The following NTNG1 variants were observed in gnomAD, a reference collection of about 807,000 sequenced individuals.
NTNG1 encodes netrin G1.
Under a neutral mutation model 54.0 loss-of-function variants are expected in NTNG1, and 16 were observed. That is an observed-to-expected ratio of 0.30 (90% CI 0.20 to 0.45). The LOEUF is 0.45. Among genes scored for constraint, NTNG1 ranks in the 20% least tolerant of loss-of-function variants. The probability of loss-of-function intolerance (pLI) is 1.00; values close to 1 mark genes in which losing one functional copy is unlikely to be tolerated. For missense variants in NTNG1, 530 were observed against 678.7 expected, an observed-to-expected ratio of 0.78 and a Z score of 2.43; for synonymous variants, 255 against 263.1, an observed-to-expected ratio of 0.97 and a Z score of 0.30.
intron 7 of NTNG1, among the ~76,000 whole-genome samples, chr1:107,465,531 T>G (rs1422786866): frequency 6.6e-6 from 1 of 152,222 alleles, no homozygotes; most frequent in African/African-American, 2.4e-5. Context: ...TTTATCTAGA[T>G]CATCTGCCAT....
At position 107,460,377 on chromosome 1, in the gene NTNG1, G is replaced by A. The variant is rs773771502; in HGVS notation, c.1391-20234G>A. 5 of 518,744 alleles carry A rather than the reference G, an allele frequency of 9.6e-6. No individual in the cohort carries two copies. The East Asian group carries it at 1.6e-4, about 17-fold the overall frequency. The allele number at this position is 518,744 out of a possible 1,614,324, so 32.1% of individuals were successfully genotyped here. On this transcript the variant is annotated intron_variant, in intron 7 of 7. Transcript: ENST00000370068. ...CTCATTTCTCCTCAGCTTTCCTTCT[G>A]AGCCCTCACAGATAATATTTTACCA...
chr1:107,367,925 C>T (rs1466053698), intron 3 of NTNG1, among the ~76,000 whole-genome samples: 1 of 152,046 alleles, frequency 6.6e-6, no homozygotes, highest in Non-Finnish European at 1.5e-5. Context: ...CTATGCCCAG[C>T]TAATTTTTGT....
chr1:107,395,661 C>T (rs1178873006), intron 4 of NTNG1, among the ~76,000 whole-genome samples: 1 of 152,126 alleles, frequency 6.6e-6, no homozygotes, highest in African/African-American at 2.4e-5. Context: ...CTTGTAAACT[C>T]TCAATCCTAA....
intron 2 of NTNG1, among the ~76,000 whole-genome samples, chr1:107,315,758 T>C (rs1190551392): frequency 6.6e-6 from 1 of 152,206 alleles, no homozygotes; most frequent in Non-Finnish European, 1.5e-5. Flanking sequence ...TTTACTTTTG[T>C]AGGGGCTGCC....
intron 3 of NTNG1, among the ~76,000 whole-genome samples, chr1:107,368,518 T>C (rs1570781385): frequency 6.6e-6 from 1 of 152,234 alleles, no homozygotes; most frequent in Non-Finnish European, 1.5e-5. Flanking sequence ...TGAACTTGAC[T>C]TCTAAGTTGA....
chr1:107,404,527 G>A lies in NTNG1; in HGVS notation c.1061-3155G>A, dbSNP rs538478269. 2.0e-5 allele frequency among the ~76,000 whole-genome samples: 3 copies of A among 152,240 alleles called. No homozygotes were observed. In the South Asian group the frequency reaches 6.2e-4, roughly 32 times the overall value. On this transcript the variant is annotated intron_variant, in intron 4 of 7. Transcript: ENST00000370068. Reference sequence around the variant, plus strand: ...GATAAAATCACCCTTTGACCAAAAAGTGATGTTTTCACAATGATAGTAAGT... The same window carrying A: ...GATAAAATCACCCTTTGACCAAAAAATGATGTTTTCACAATGATAGTAAGT...
At chr1:107,453,678 G>A (rs1484528989) in intron 7 of NTNG1, among the ~76,000 whole-genome samples, 1 of 152,178 alleles carries the variant, frequency 6.6e-6, no homozygotes, top group East Asian at 1.9e-4. Context: ...GCCATGTAGG[G>A]AAGTGGGCTA....
At chr1:107,326,584 A>G (rs1557902105) in intron 3 of NTNG1, among the ~76,000 whole-genome samples, 2 of 152,278 alleles carry the variant, frequency 1.3e-5, no homozygotes, top group Non-Finnish European at 1.5e-5. Context: ...CAATTCATCT[A>G]CATGAATAAT....
intron 2 of NTNG1, among the ~76,000 whole-genome samples, chr1:107,160,518 A>G (rs759480895): frequency 6.6e-4 from 100 of 152,152 alleles, no homozygotes; most frequent in Non-Finnish European, 1.1e-3. Flanking sequence ...TATATAATAT[A>G]AGCTATTATA....
chr1:107,392,673 G>A (rs562227552), intron 3 of NTNG1, among the ~76,000 whole-genome samples: 1 of 152,128 alleles, frequency 6.6e-6, no homozygotes, highest in Non-Finnish European at 1.5e-5. Flanking sequence ...TGGGAGATGA[G>A]AGAATGGAGA....
At chr1:107,167,269 T>C (rs1202570146) in intron 2 of NTNG1, among the ~76,000 whole-genome samples, 2 of 151,996 alleles carry the variant, frequency 1.3e-5, no homozygotes, top group African/African-American at 2.4e-5. Context: ...AATTTATGCA[T>C]GTTCACCGAG....
At chr1:107,422,008 A>T (rs1025813071) in intron 5 of NTNG1, among the ~76,000 whole-genome samples, 1 of 152,064 alleles carries the variant, frequency 6.6e-6, no homozygotes, top group African/African-American at 2.4e-5. Flanking sequence ...GAATTTAGTC[A>T]TTTCCTAGAT....
intron 2 of NTNG1, among the ~76,000 whole-genome samples, chr1:107,268,724 T>C (rs878964096): frequency 3.3e-5 from 5 of 152,178 alleles, no homozygotes; most frequent in Admixed American, 2.6e-4. Flanking sequence ...GGTGAACTTA[T>C]CTAAGATGAA....
At chr1:107,210,481 G>C (rs575935175) in intron 2 of NTNG1, among the ~76,000 whole-genome samples, 1 of 152,246 alleles carries the variant, frequency 6.6e-6, no homozygotes, top group South Asian at 2.1e-4. Flanking sequence ...ACTGAGATGG[G>C]GGACATCAGA....
chr1:107,421,163 T>C (rs1376801344), intron 5 of NTNG1: 3 of 1,538,992 alleles, frequency 1.9e-6, no homozygotes, highest in South Asian at 1.1e-5. Flanking sequence ...CTTGGATTCA[T>C]ACAGTGATTT....
chr1:107,360,060 C>A (rs914079770), intron 3 of NTNG1, among the ~76,000 whole-genome samples: 1 of 152,140 alleles, frequency 6.6e-6, no homozygotes, highest in Non-Finnish European at 1.5e-5. Flanking sequence ...CCCGCCACAC[C>A]CTGTTGTCTT....
chr1:107,183,135 T>A (rs1299297195), intron 2 of NTNG1, among the ~76,000 whole-genome samples: 1 of 152,180 alleles, frequency 6.6e-6, no homozygotes, highest in Admixed American at 6.6e-5. Flanking sequence ...CTGGAAGAGG[T>A]CATCACAAAC....
rs71098633 is a variant in NTNG1, at chr1:107,482,055, C to CAAAAAAAAAAAAAAAAAAAA, written c.*1223_*1242dup. On this transcript the variant is annotated 3_prime_UTR_variant, in exon 8 of 8. Transcript: ENST00000370068. Reference sequence around the variant, plus strand: ...TTCCACTTGGGAAAAATTACAACAGCAAAAAAAAAAAAAAAAAAAAAAAAA... The same window carrying CAAAAAAAAAAAAAAAAAAAA: ...TTCCACTTGGGAAAAATTACAACAGCAAAAAAAAAAAAAAAAAAAAAAAAAAAAAAAAAAAAAAAAAAAAA... 5.2e-5 allele frequency: 6 copies of CAAAAAAAAAAAAAAAAAAAA among 114,496 alleles called. No individual in the cohort carries two copies. Among genetic ancestry groups the CAAAAAAAAAAAAAAAAAAAA allele is most frequent in the Non-Finnish European group, 7.2e-5 (4 of 55,492 alleles). 7.1% of individuals were successfully genotyped at this position (114,496 alleles called of 1,614,324 possible). A position where few individuals can be genotyped will look rare whatever the true frequency, so the allele number is the denominator to read the frequency against.
intron 2 of NTNG1, among the ~76,000 whole-genome samples, chr1:107,282,666 C>T (rs1268354832): frequency 6.6e-6 from 1 of 152,118 alleles, no homozygotes; most frequent in Non-Finnish European, 1.5e-5. Context: ...TGCTAATCCA[C>T]CCTTGGTTCT....
Sources: gnomAD v4.1 joint callset for allele counts (sites outside exome capture counted in the v4.1 genomes callset) on GRCh38, gnomAD v4.1.1 for gene constraint, MANE v1.5 for transcripts, NCBI Gene and HGNC (gene_info 2026-07-23, HGNC 2026-07-21) for gene names.